The following CCSER1 variants were observed in gnomAD, a reference collection of about 807,000 sequenced individuals.
CCSER1 encodes coiled-coil serine rich protein 1.
CCSER1 carries 41 observed loss-of-function variants against 82.0 expected under a neutral mutation model. The ratio of observed to expected loss-of-function variants is 0.50; its 90% CI spans 0.39 to 0.65. The LOEUF is 0.65. Among genes scored for constraint, CCSER1 ranks in the 30% least tolerant of loss-of-function variants. CCSER1 has a pLI of 0.00. For synonymous variants in CCSER1, 414 were observed against 383.9 expected (o/e 1.08, Z -0.92); for missense variants, 1,119 against 1,064.2 (o/e 1.05, Z -0.72).
At chr4:90,940,583 G>A (rs1731476777) in intron 9 of CCSER1, among the ~76,000 whole-genome samples, 2 of 152,124 alleles carry the variant, frequency 1.3e-5, no homozygotes, top group South Asian at 2.1e-4. Context: ...GAGAACTGTT[G>A]TAATTTTTGT....
At chr4:91,059,628 A>AAC (rs141126782) in intron 9 of CCSER1, among the ~76,000 whole-genome samples, 55 of 151,442 alleles carry the variant, frequency 3.6e-4, no homozygotes, top group African/African-American at 1.2e-3. Context: ...CTCACACACA[A>AAC]ACACACACAC....
intron 5 of CCSER1, among the ~76,000 whole-genome samples, chr4:90,515,596 T>C (rs1772162210): frequency 6.6e-6 from 1 of 152,224 alleles, no homozygotes; most frequent in Non-Finnish European, 1.5e-5. Flanking sequence ...CATGACATGA[T>C]AGTAATAATG....
At position 90,574,097 on chromosome 4, in the gene CCSER1, GC is replaced by G. The variant is rs558942419; in HGVS notation, c.1725-53927del. 6.6e-5 allele frequency among the ~76,000 whole-genome samples: 10 copies of G among 150,864 alleles called. No homozygotes were observed. In the South Asian group the frequency reaches 2.1e-3, roughly 32 times the overall value. On this transcript the variant is annotated intron_variant, in intron 5 of 10. Coordinates refer to ENST00000509176, the MANE Select transcript of CCSER1 (RefSeq NM_001145065.2). ...TTTGATGGTTTCTCTCTTTGCCTCA[GC>G]ACTGATATATTTTAAAACAAATTGG... is the stretch of plus-strand genomic sequence containing the variant.
chr4:90,909,192 G>A (rs1453908558), intron 8 of CCSER1, among the ~76,000 whole-genome samples: 1 of 152,144 alleles, frequency 6.6e-6, no homozygotes, highest in African/African-American at 2.4e-5. Flanking sequence ...GTGTCCAAAT[G>A]TCCCTCTTCT....
chr4:90,449,038 C>T (rs972312320), intron 4 of CCSER1, among the ~76,000 whole-genome samples: 10 of 152,162 alleles, frequency 6.6e-5, no homozygotes, highest in African/African-American at 2.2e-4. Context: ...GGCAGATTGT[C>T]CCAACATCTG....
chr4:91,176,823 C>A (rs1161886912), intron 10 of CCSER1, among the ~76,000 whole-genome samples: 1 of 152,138 alleles, frequency 6.6e-6, no homozygotes, highest in Admixed American at 6.5e-5. Context: ...CTTTCTCCTG[C>A]CTGATTGCCC....
chr4:90,480,064 C>T (rs1294498245), intron 5 of CCSER1, among the ~76,000 whole-genome samples: 1 of 152,134 alleles, frequency 6.6e-6, no homozygotes, highest in Non-Finnish European at 1.5e-5. Context: ...TTAATGATTG[C>T]CATTCTAACT....
intron 5 of CCSER1, among the ~76,000 whole-genome samples, chr4:90,612,244 A>G (rs1785610903): frequency 6.6e-6 from 1 of 152,166 alleles, no homozygotes; most frequent in Non-Finnish European, 1.5e-5. Context: ...AACTATTGGG[A>G]ACATTGGTGG....
At chr4:91,231,578 G>C (rs748760872) in intron 10 of CCSER1, among the ~76,000 whole-genome samples, 1 of 151,798 alleles carries the variant, frequency 6.6e-6, no homozygotes, top group East Asian at 1.9e-4. Context: ...GTGAGGAAAA[G>C]ATAGATGACA....
intron 9 of CCSER1, among the ~76,000 whole-genome samples, chr4:91,026,203 A>G (rs1209149454): frequency 6.6e-6 from 1 of 152,124 alleles, no homozygotes; most frequent in Non-Finnish European, 1.5e-5. Context: ...TTTATGCTTT[A>G]CACTGCAGAC....
intron 6 of CCSER1, among the ~76,000 whole-genome samples, chr4:90,669,147 A>G (rs899796879): frequency 6.6e-6 from 1 of 152,072 alleles, no homozygotes; most frequent in Non-Finnish European, 1.5e-5. Context: ...TTTTAGAAAC[A>G]CACAGATACA....
At chr4:91,217,264 C>T (rs1737320205) in intron 10 of CCSER1, among the ~76,000 whole-genome samples, 1 of 152,180 alleles carries the variant, frequency 6.6e-6, no homozygotes, top group Non-Finnish European at 1.5e-5. Flanking sequence ...AGGCAGCCTG[C>T]TTTCATTCTC....
chr4:91,131,199 T>A (rs1386452533), intron 10 of CCSER1, among the ~76,000 whole-genome samples: 1 of 152,028 alleles, frequency 6.6e-6, no homozygotes, highest in South Asian at 2.1e-4. Context: ...TTTTCCCAAC[T>A]GTTCTGAAAA....
intron 9 of CCSER1, among the ~76,000 whole-genome samples, chr4:90,968,401 G>A (rs1206335369): frequency 6.6e-6 from 1 of 151,920 alleles, no homozygotes; most frequent in Non-Finnish European, 1.5e-5. Flanking sequence ...TGCCCCCACA[G>A]ATAGCACATG....
At chr4:90,134,622 T>C (rs1723353274) in intron 1 of CCSER1, among the ~76,000 whole-genome samples, 1 of 152,246 alleles carries the variant, frequency 6.6e-6, no homozygotes. Context: ...TTTGAAGTTA[T>C]GCAGCTTATC....
intron 1 of CCSER1, among the ~76,000 whole-genome samples, chr4:90,256,821 T>A (rs1050696074): frequency 6.6e-6 from 1 of 152,128 alleles, no homozygotes; most frequent in Non-Finnish European, 1.5e-5. Context: ...ATAAAAATAG[T>A]TGAATACAGT....
intron 5 of CCSER1, among the ~76,000 whole-genome samples, chr4:90,579,031 T>C (rs181440148): frequency 1.8e-5 from 1 of 55,950 alleles, no homozygotes; most frequent in Non-Finnish European, 2.9e-5. Context: ...AAAGCTTGAC[T>C]TTTTTTAATC....
chr4:90,831,717 G>A (rs1236263582), intron 8 of CCSER1, among the ~76,000 whole-genome samples: 1 of 152,024 alleles, frequency 6.6e-6, no homozygotes, highest in Non-Finnish European at 1.5e-5. Context: ...TTCATTACTT[G>A]CATATCATTT....
At chr4:90,297,782 A>G (rs1261808515) in intron 1 of CCSER1, among the ~76,000 whole-genome samples, 4 of 152,038 alleles carry the variant, frequency 2.6e-5, no homozygotes, top group African/African-American at 9.7e-5. Context: ...TTCTGTTTAT[A>G]TGCTGGATTA....
Sources: gnomAD v4.1 joint callset for allele counts (sites outside exome capture counted in the v4.1 genomes callset) on GRCh38, gnomAD v4.1.1 for gene constraint, MANE v1.5 for transcripts, NCBI Gene and HGNC (gene_info 2026-07-23, HGNC 2026-07-21) for gene names.